Variants in GRB14 observed in about 807,000 individuals in gnomAD.
GRB14 encodes the protein growth factor receptor bound protein 14, also known as growth factor receptor-bound protein 14.
In GRB14, 38 loss-of-function variants were observed where a neutral mutation model predicts 69.1. The observed-to-expected ratio is 0.55, with a 90% confidence interval of 0.42 to 0.72. The LOEUF is 0.72. Among genes scored for constraint, GRB14 ranks in the 30% least tolerant of loss-of-function variants. The probability of loss-of-function intolerance (pLI) is 0.00; values close to 1 mark genes in which losing one functional copy is unlikely to be tolerated. For synonymous variants in GRB14, 247 were observed against 241.3 expected, an observed-to-expected ratio of 1.02 and a Z score of -0.22; for missense variants, 666 against 666.1, an observed-to-expected ratio of 1.00 and a Z score of 0.00.
intron 2 of GRB14, among the ~76,000 whole-genome samples, chr2:164,571,025 G>T (rs949154170): frequency 6.6e-6 from 1 of 152,130 alleles, no homozygotes; most frequent in African/African-American, 2.4e-5. Flanking sequence ...GAAGCTTACC[G>T]ATACTTTTCA....
In GRB14 at chr2:164,508,764, G is replaced by C. The variant is rs1687258513; in HGVS notation, c.905C>G (p.Thr302Ser). Residue 302 changes from threonine (T) to serine (S), a missense_variant, in exon 7 of 14, where the codon ACT (threonine) becomes AGT (serine). Transcript: ENST00000263915. ...LAGKKKHGAP[T>S]NYGFCFKPNK... ...TACCTTAAAGCAGAATCCATAGTTA[G>C]TCGGTGCTCCATGTTTTTTTTTGCC... The C allele has an allele frequency of 6.3e-7, 1 of 1,585,068 alleles. No homozygotes were observed. Among genetic ancestry groups the C allele is most frequent in the African/African-American group, 1.4e-5 (1 of 72,832 alleles).
chr2:164,546,062 A>C (rs538033790), intron 3 of GRB14, among the ~76,000 whole-genome samples: 1 of 152,322 alleles, frequency 6.6e-6, no homozygotes, highest in East Asian at 1.9e-4. Flanking sequence ...ATTGACTCAA[A>C]ATGTGGTCCA....
At chr2:164,527,934 C>CAAAT in intron 3 of GRB14, among the ~76,000 whole-genome samples, 1 of 151,882 alleles carries the variant, frequency 6.6e-6, no homozygotes, top group East Asian at 1.9e-4. Flanking sequence ...TGAAACTACC[C>CAAAT]AAATGCCCAC....
chr2:164,493,959 A>G (rs1234992127), intron 13 of GRB14, among the ~76,000 whole-genome samples: 1 of 152,170 alleles, frequency 6.6e-6, no homozygotes, highest in Non-Finnish European at 1.5e-5. Context: ...AGAGAAGCCG[A>G]ATCACAGAAC....
intron 2 of GRB14, among the ~76,000 whole-genome samples, chr2:164,618,259 C>G (rs1466373957): frequency 6.6e-6 from 1 of 151,304 alleles, no homozygotes; most frequent in Non-Finnish European, 1.5e-5. Flanking sequence ...CAGGCGTGAG[C>G]CACCGCACCC....
chr2:164,563,174 T>C (rs576407547), intron 2 of GRB14, among the ~76,000 whole-genome samples: 3 of 152,288 alleles, frequency 2.0e-5, no homozygotes, highest in South Asian at 2.1e-4. Context: ...TCCCCACTTA[T>C]TACCATACCT....
chr2:164,617,964 G>GGA (rs1690342600), intron 2 of GRB14, among the ~76,000 whole-genome samples: 1 of 138,024 alleles, frequency 7.2e-6, no homozygotes, highest in Non-Finnish European at 1.6e-5. Context: ...TTTTTTGGGG[G>GGA]GGGGGGGGTA....
At chr2:164,505,301 A>T (rs1326692347) in intron 8 of GRB14, among the ~76,000 whole-genome samples, 1 of 151,890 alleles carries the variant, frequency 6.6e-6, no homozygotes, top group African/African-American at 2.4e-5. Flanking sequence ...GAAATGGAAG[A>T]ATTAAAGAAA....
intron 6 of GRB14, among the ~76,000 whole-genome samples, chr2:164,518,889 CA>C (rs560965153): frequency 6.7e-6 from 1 of 149,484 alleles, no homozygotes; most frequent in African/African-American, 2.5e-5. Context: ...AAATGATCAA[CA>C]AAAAAAAAGG....
intron 2 of GRB14, among the ~76,000 whole-genome samples, chr2:164,600,248 G>A (rs1390302427): frequency 6.6e-6 from 1 of 152,176 alleles, no homozygotes; most frequent in African/African-American, 2.4e-5. Flanking sequence ...CGTTGCCATA[G>A]AGGTTGTTTG....
intron 2 of GRB14, among the ~76,000 whole-genome samples, chr2:164,601,739 T>G (rs372674617): frequency 5.9e-5 from 9 of 152,166 alleles, no homozygotes; most frequent in African/African-American, 2.2e-4. Flanking sequence ...GTACGATATA[T>G]GCACCCTTAT....
chr2:164,584,558 T>C (rs1324814836), intron 2 of GRB14, among the ~76,000 whole-genome samples: 15 of 151,994 alleles, frequency 9.9e-5, no homozygotes, highest in Non-Finnish European at 2.9e-5. Context: ...TTAGGAGATG[T>C]GTGGCTAAGA....
At chr2:164,508,083 G>A (rs915206881) in intron 8 of GRB14, among the ~76,000 whole-genome samples, 1 of 152,152 alleles carries the variant, frequency 6.6e-6, no homozygotes. Context: ...AATATCTCAA[G>A]GGTGGGCACA....
At chr2:164,593,986 C>T (rs879310942) in intron 2 of GRB14, among the ~76,000 whole-genome samples, 1 of 152,100 alleles carries the variant, frequency 6.6e-6, no homozygotes, top group African/African-American at 2.4e-5. Flanking sequence ...ACACATTATG[C>T]AGTACTGAAT....
intron 3 of GRB14, chr2:164,539,645 T>C (rs1409315107): frequency 6.6e-6 from 1 of 152,156 alleles, no homozygotes. Context: ...GATAGTAGCA[T>C]ATGTATTCAC....
intron 6 of GRB14, among the ~76,000 whole-genome samples, chr2:164,515,429 G>C (rs1367021589): frequency 1.3e-5 from 2 of 152,174 alleles, no homozygotes; most frequent in Non-Finnish European, 2.9e-5. Context: ...GGGCCCGGGA[G>C]CTCCACTGGG....
chr2:164,539,378 G>A (rs1688174323), intron 3 of GRB14, among the ~76,000 whole-genome samples: 1 of 151,972 alleles, frequency 6.6e-6, no homozygotes, highest in Non-Finnish European at 1.5e-5. Flanking sequence ...AGGAGTCTGA[G>A]GCGCAAGAAT....
At chr2:164,568,332 T>C (rs773802887) in intron 2 of GRB14, 30 of 1,288,794 alleles carry the variant, frequency 2.3e-5, no homozygotes, top group Non-Finnish European at 2.9e-5. Context: ...TGTAGAATTA[T>C]TGGCGTTATT....
At chr2:164,498,447 A>G (rs1249333498) in intron 9 of GRB14, among the ~76,000 whole-genome samples, 3 of 152,168 alleles carry the variant, frequency 2.0e-5, no homozygotes, top group South Asian at 4.1e-4. Context: ...CAAGTCATGA[A>G]TCCTAAGAAA....
Sources: gnomAD v4.1 joint callset for allele counts (sites outside exome capture counted in the v4.1 genomes callset) on GRCh38, gnomAD v4.1.1 for gene constraint, MANE v1.5 for transcripts, NCBI Gene and HGNC (gene_info 2026-07-23, HGNC 2026-07-21) for gene names.